The following MALRD1 variants were observed in gnomAD, a reference collection of about 807,000 sequenced individuals.
MALRD1 encodes MAM and LDL-receptor class A domain-containing protein 1.
In MALRD1, 247 loss-of-function variants were observed where a neutral mutation model predicts 242.1. The observed-to-expected ratio is 1.02, with a 90% CI of 0.92 to 1.13. MALRD1 has a LOEUF of 1.13. MALRD1 is among the 50% of genes most tolerant of loss of function. MALRD1 has a pLI of 0.00. For missense variants in MALRD1, 2,989 were observed against 2,533.1 expected, an observed-to-expected ratio of 1.18 and a Z score of -3.86; for synonymous variants, 995 against 866.6, an observed-to-expected ratio of 1.15 and a Z score of -2.60.
chr10:19,182,844 G>A (rs561917488), intron 14 of MALRD1, among the ~76,000 whole-genome samples: 52 of 152,228 alleles, frequency 3.4e-4, no homozygotes, highest in African/African-American at 1.3e-3. Context: ...AGTAAATGCT[G>A]TCGAGAAGTT....
chr10:19,204,192 T>C (rs1459337887), intron 15 of MALRD1, 116 bp from the exon 16 acceptor site: 2 of 724,698 alleles, frequency 2.8e-6, no homozygotes, highest in Non-Finnish European at 4.5e-6. Flanking sequence ...GATTATTGTA[T>C]AATTTTAATT....
intron 5 of MALRD1, among the ~76,000 whole-genome samples, chr10:19,109,932 G>T (rs946541532): frequency 6.6e-6 from 1 of 152,138 alleles, no homozygotes; most frequent in Non-Finnish European, 1.5e-5. Context: ...CTTTGATGGG[G>T]GATGCTGGGG....
chr10:19,717,126 T>C (rs1249134322), intron 38 of MALRD1, among the ~76,000 whole-genome samples: 2 of 152,210 alleles, frequency 1.3e-5, no homozygotes, highest in East Asian at 3.8e-4. Context: ...AATGCCCTAG[T>C]GTAAAGAACC....
At chr10:19,201,044 A>G (rs1345357700) in intron 14 of MALRD1, among the ~76,000 whole-genome samples, 1 of 152,166 alleles carries the variant, frequency 6.6e-6, no homozygotes, top group Non-Finnish European at 1.5e-5. Context: ...GATTCCGTTG[A>G]TGATAACTGA....
intron 38 of MALRD1, among the ~76,000 whole-genome samples, chr10:19,718,942 G>A (rs1834553513): frequency 6.6e-6 from 1 of 151,372 alleles, no homozygotes; most frequent in African/African-American, 2.4e-5. Flanking sequence ...CAAGGCAGGA[G>A]GATTGCTTGA....
At chr10:19,390,502 A>G (rs1846295041) in intron 28 of MALRD1, among the ~76,000 whole-genome samples, 1 of 152,208 alleles carries the variant, frequency 6.6e-6, no homozygotes, top group Non-Finnish European at 1.5e-5. Flanking sequence ...AACATAGTAA[A>G]TATTAATATT....
intron 38 of MALRD1, among the ~76,000 whole-genome samples, chr10:19,696,015 G>A: frequency 6.6e-6 from 1 of 152,180 alleles, no homozygotes; most frequent in Non-Finnish European, 1.5e-5. Context: ...TTTAAGGTGA[G>A]ATTTGGGTGG....
intron 19 of MALRD1, among the ~76,000 whole-genome samples, chr10:19,259,311 T>G (rs1839647417): frequency 6.6e-6 from 1 of 152,146 alleles, no homozygotes; most frequent in African/African-American, 2.4e-5. Context: ...ACTTGAGCAC[T>G]TCAGCCAATT....
At chr10:19,427,230 A>G (rs779863032) in intron 28 of MALRD1, among the ~76,000 whole-genome samples, 2 of 152,302 alleles carry the variant, frequency 1.3e-5, no homozygotes, top group South Asian at 2.1e-4. Flanking sequence ...TAATTAATCC[A>G]CTATTCATGG....
At chr10:19,341,480 ATG>A (rs1564577085) in intron 24 of MALRD1, among the ~76,000 whole-genome samples, 1 of 87,946 alleles carries the variant, frequency 1.1e-5, no homozygotes, top group Non-Finnish European at 2.5e-5. Context: ...ATGTATATAT[ATG>A]TGTATATATA....
chr10:19,637,680 C>G (rs1178693889), intron 36 of MALRD1, among the ~76,000 whole-genome samples: 1 of 151,568 alleles, frequency 6.6e-6, no homozygotes, highest in Admixed American at 6.6e-5. Context: ...TTGGTGGGCA[C>G]CTGGGGCTAA....
At chr10:19,277,126 A>G (rs1022721745) in intron 19 of MALRD1, among the ~76,000 whole-genome samples, 2 of 151,996 alleles carry the variant, frequency 1.3e-5, no homozygotes, top group Admixed American at 6.6e-5. Flanking sequence ...AGGTTTCACC[A>G]TGTTGCCCAG....
intron 8 of MALRD1, among the ~76,000 whole-genome samples, chr10:19,130,119 C>T (rs1362897096): frequency 6.6e-6 from 1 of 152,006 alleles, no homozygotes; most frequent in Non-Finnish European, 1.5e-5. Context: ...GCCCTGCAAT[C>T]TATTTAATAT....
chr10:19,048,638 G>T, upstream of MALRD1: 1 of 210,294 alleles, frequency 4.8e-6, no homozygotes. Context: ...TCTTTCAGGA[G>T]ATAGCAAGAC....
intron 38 of MALRD1, among the ~76,000 whole-genome samples, chr10:19,718,317 G>A (rs57692592): frequency 3.9e-5 from 6 of 152,148 alleles, no homozygotes; most frequent in Non-Finnish European, 2.9e-5. Flanking sequence ...TGCAAGCTGC[G>A]TAAGAAGCTT....
intron 29 of MALRD1, among the ~76,000 whole-genome samples, chr10:19,456,016 C>T (rs528154207): frequency 3.3e-5 from 5 of 152,176 alleles, no homozygotes; most frequent in Non-Finnish European, 7.4e-5. Flanking sequence ...GGGTAGAATC[C>T]AATAATGGTA....
intron 34 of MALRD1, among the ~76,000 whole-genome samples, chr10:19,601,829 G>T (rs1390745514): frequency 6.6e-6 from 1 of 151,954 alleles, no homozygotes; most frequent in East Asian, 1.9e-4. Context: ...AAGAAGATGA[G>T]TAGTATCTGC....
chr10:19,607,749 C>A, intron 34 of MALRD1, 28 bp from the exon 35 acceptor site: 1 of 1,541,544 alleles, frequency 6.5e-7, no homozygotes, highest in Non-Finnish European at 8.7e-7. Flanking sequence ...TGCTGGCATC[C>A]CTGATCATTA....
intron 32 of MALRD1, among the ~76,000 whole-genome samples, chr10:19,559,190 A>G (rs903115437): frequency 1.3e-5 from 2 of 151,764 alleles, no homozygotes; most frequent in Non-Finnish European, 2.9e-5. Context: ...CTCAATAATA[A>G]TAATAATAAT....
Sources: allele counts gnomAD v4.1 joint callset (sites outside exome capture counted in the v4.1 genomes callset), GRCh38; gene constraint gnomAD v4.1.1; transcripts MANE v1.5; gene names NCBI Gene and HGNC (gene_info 2026-07-23, HGNC 2026-07-21).